The following ACADS variants were observed in gnomAD, a reference collection of about 807,000 sequenced individuals.
The protein encoded by ACADS is short-chain specific acyl-CoA dehydrogenase, mitochondrial.
Under a neutral mutation model 46.8 loss-of-function variants are expected in ACADS, and 28 were observed. The ratio of observed to expected loss-of-function variants is 0.60; its 90% CI spans 0.44 to 0.82. The LOEUF (loss-of-function observed/expected upper bound fraction) is 0.82. ACADS is among the 40% of genes least tolerant of loss of function. ACADS has a pLI of 0.00. For missense variants in ACADS, 528 were observed against 578.0 expected, an observed-to-expected ratio of 0.91 and a Z score of 0.89; for synonymous variants, 236 against 237.7, an observed-to-expected ratio of 0.99 and a Z score of 0.07.
rs73409973 is a variant in ACADS, at chr12:120,730,941, T to C, written c.210+3752T>C. ...TGACCGTGAGTCTTGGACAACTGCA[T>C]ATTTATTTTTGTTTTTGTTTTTTTG... On this transcript the variant is annotated intron_variant, in intron 2 of 9. Coordinates refer to ENST00000242592, the MANE Select transcript of ACADS (RefSeq NM_000017.4). 2.3e-3 allele frequency among the ~76,000 whole-genome samples: 348 copies of C among 152,192 alleles called. 1 individual carries two copies. Among genetic ancestry groups the C allele is most frequent in the African/African-American group, 7.5e-3 (311 of 41,530 alleles).
chr12:120,735,397 T>C (rs1883403073), intron 2 of ACADS, among the ~76,000 whole-genome samples: 1 of 127,362 alleles, frequency 7.9e-6, no homozygotes, highest in South Asian at 2.5e-4. Flanking sequence ...CACTTGATGA[T>C]AGATGCTGTT....
chr12:120,736,141 T>G (rs1210405641), intron 2 of ACADS, among the ~76,000 whole-genome samples: 1 of 148,866 alleles, frequency 6.7e-6, no homozygotes. Context: ...GTAATAATAC[T>G]ATTATTATTA....
intron 2 of ACADS, among the ~76,000 whole-genome samples, chr12:120,729,982 T>A (rs901296017): frequency 7.2e-5 from 11 of 152,286 alleles, no homozygotes; most frequent in South Asian, 6.2e-4. Context: ...CTTTATTTTT[T>A]AAATTATTTT....
At chr12:120,730,762 T>C (rs1242929209) in intron 2 of ACADS, among the ~76,000 whole-genome samples, 2 of 148,760 alleles carry the variant, frequency 1.3e-5, no homozygotes, top group African/African-American at 2.6e-5. Flanking sequence ...CAGGGTTTTA[T>C]ACCAACAAGT....
intron 1 of ACADS, 37 bp from the exon 2 acceptor site, chr12:120,726,989 G>T: frequency 6.2e-7 from 1 of 1,613,284 alleles, no homozygotes; most frequent in Non-Finnish European, 8.5e-7. Context: ...GAGACCTCCT[G>T]CCTCCTCCTT....
chr12:120,737,400 G>A lies in ACADS; in HGVS notation c.405G>A (p.Gln135=), dbSNP rs779929753. Residue 135 remains glutamine, a synonymous_variant, in exon 4 of 10, where the codon CAG becomes CAA. Transcript: ENST00000242592. The part of the protein sequence containing the change: ...GPILKFGSKE[Q]KQAWVTPFTS... ...TCTTGAAGTTTGGCTCCAAGGAGCA[G>A]AAGCAGGCGTGGGTCACGCCTTTCA... 6.2e-7 allele frequency: 1 copy of A among 1,614,198 alleles called. No individual in the cohort carries two copies. The highest frequency in any genetic ancestry group is 8.5e-7 in the Non-Finnish European group (1 of 1,180,032).
In ACADS at chr12:120,728,579, A is replaced by G. The variant is rs1883158216; in HGVS notation, c.210+1390A>G. Among the ~76,000 whole-genome samples, 1 of 151,394 alleles carries G rather than the reference A, an allele frequency of 6.6e-6. No individual in the cohort carries two copies. Among genetic ancestry groups the G allele is most frequent in the South Asian group, 2.1e-4 (1 of 4,798 alleles). On this transcript the variant is annotated intron_variant, in intron 2 of 9. Transcript: ENST00000242592. This position sits in a 1 kb window ranked among gnomAD's most constrained non-coding sequence, Gnocchi z 4.0. The stretch of plus-strand genomic sequence containing the variant: ...GAGTGCAGTGGCGCGATCTCGGCTC[A>G]CTGCAACCTCCGCCTTCTGAGTTCA...
chr12:120,737,777 C>T (rs1049178818), intron 4 of ACADS, 60 bp from the exon 5 acceptor site: 23 of 1,608,182 alleles, frequency 1.4e-5, no homozygotes, highest in Non-Finnish European at 1.9e-5. Flanking sequence ...GGGAGTGAGG[C>T]TGGTGCCCTT....
At chr12:120,738,197 G>T in intron 5 of ACADS, 83 bp from the exon 6 acceptor site, 1 of 1,604,952 alleles carries the variant, frequency 6.2e-7, no homozygotes, top group East Asian at 2.3e-5. Flanking sequence ...AGGTGGGGAG[G>T]GGACCGGGTT....
In ACADS at chr12:120,728,468, T is replaced by C. The variant is rs1883155685; in HGVS notation, c.210+1279T>C. ...TCAAACCTCTCCGGCCTCTTCTCCT[T>C]GCCTGTTTTTTTTTTTAATTTTAAT... On this transcript the variant is annotated intron_variant, in intron 2 of 9. Coordinates refer to ENST00000242592, the MANE Select transcript of ACADS (RefSeq NM_000017.4). This position sits in a 1 kb window ranked among gnomAD's most constrained non-coding sequence, Gnocchi z 4.0. Among the ~76,000 whole-genome samples the C allele has an allele frequency of 3.6e-5, 5 of 137,854 alleles. No individual in the cohort carries two copies. In the Admixed American group the frequency reaches 3.8e-4, roughly 10 times the overall value. 90.4% of individuals were successfully genotyped at this position (137,854 alleles called of 152,430 possible). A position where few individuals can be genotyped will look rare whatever the true frequency, so the allele number is the denominator to read the frequency against.
At position 120,738,910 on chromosome 12, in the gene ACADS, A is replaced by C; in HGVS notation, c.1024A>C (p.Ile342Leu). ...AMLKDNKKPF[I>L]KEAAMAKLAA... ...GCTGAAGGATAACAAGAAGCCTTTC[A>C]TCAAGGTGCCCACAGGGGTCCCCGA... Residue 342 changes from isoleucine to leucine, a missense_variant, in exon 8 of 10, where the codon ATC becomes CTC. Physicochemically the swap from Ile to Leu is conservative, Grantham distance 5. Transcript: ENST00000242592. 6.2e-7 allele frequency: 1 copy of C among 1,613,574 alleles called. No individual in the cohort carries two copies. The highest frequency in any genetic ancestry group is 8.5e-7 in the Non-Finnish European group (1 of 1,180,020).
In ACADS at chr12:120,733,459, G is replaced by A. The variant is rs576305444; in HGVS notation, c.211-3527G>A. On this transcript the variant is annotated intron_variant, in intron 2 of 9. Coordinates refer to ENST00000242592, the MANE Select transcript of ACADS (RefSeq NM_000017.4). ...GTTCAGAGGCCATGTGTGTGCTGCC[G>A]CAGGTCTGTGTCTCCAGGTCCTCTT... 1.2e-4 allele frequency among the ~76,000 whole-genome samples: 18 copies of A among 152,216 alleles called. No homozygotes were observed. The South Asian group carries it at 2.3e-3, about 19-fold the overall frequency.
At position 120,727,202 on chromosome 12, in the gene ACADS, C is replaced by T. The variant is rs1883114264; in HGVS notation, c.210+13C>T. ...CCCAGCGGCTCAGGTGAGAGTGCAA[C>T]CTCAGCAGCCCACGATAGTGGTCTG... On this transcript the variant is annotated intron_variant, in intron 2 of 9. Transcript: ENST00000242592. 1.2e-6 allele frequency: 2 copies of T among 1,614,074 alleles called. No individual in the cohort carries two copies. The highest frequency in any genetic ancestry group is 1.7e-6 in the Non-Finnish European group (2 of 1,179,982).
At chr12:120,733,228 G>A (rs1436020713) in intron 2 of ACADS, among the ~76,000 whole-genome samples, 1 of 151,788 alleles carries the variant, frequency 6.6e-6, no homozygotes, top group Non-Finnish European at 1.5e-5. Context: ...GAGGGAGAGG[G>A]AGACCGGGGG....
chr12:120,726,033 G>A, intron 1 of ACADS, 102 bp downstream of exon 1: 1 of 1,253,880 alleles, frequency 8.0e-7, no homozygotes, highest in Non-Finnish European at 1.1e-6. Flanking sequence ...GGCAGGCGGA[G>A]CCCCACTCCG....
At position 120,738,262 on chromosome 12, in the gene ACADS, AC is replaced by A. The variant is rs1883523456; in HGVS notation, c.625-15del. The A allele has an allele frequency of 6.2e-7, 1 of 1,608,950 alleles. No homozygotes were observed. Among genetic ancestry groups the A allele is most frequent in the East Asian group, 2.2e-5 (1 of 44,806 alleles). On this transcript the variant is annotated splice_polypyrimidine_tract_variant and intron_variant, in intron 5 of 9. Transcript: ENST00000242592. ...GCTGAGGGGCAGCTCTGAGAAAACCACCCGCCTCTCCTTTCAGGGCATCAGT... is the reference window on the plus strand; with the variant it reads ...GCTGAGGGGCAGCTCTGAGAAAACCACCGCCTCTCCTTTCAGGGCATCAGT...
chr12:120,738,277 C>T lies in ACADS; in HGVS notation c.625-3C>T, dbSNP rs1883524540. 6.2e-7 allele frequency: 1 copy of T among 1,614,170 alleles called. No homozygotes were observed. The highest frequency in any genetic ancestry group is 8.5e-7 in the Non-Finnish European group (1 of 1,180,026). ...TGAGAAAACCACCCGCCTCTCCTTTCAGGGCATCAGTGCCTTCCTGGTCCC... is the reference window on the plus strand; with the variant it reads ...TGAGAAAACCACCCGCCTCTCCTTTTAGGGCATCAGTGCCTTCCTGGTCCC... On this transcript the variant is annotated splice_region_variant and splice_polypyrimidine_tract_variant and intron_variant, in intron 5 of 9. Coordinates refer to ENST00000242592, the MANE Select transcript of ACADS (RefSeq NM_000017.4).
At chr12:120,738,106 C>G (rs779541598) in intron 5 of ACADS, 118 bp downstream of exon 5, 1 of 1,572,468 alleles carries the variant, frequency 6.4e-7, no homozygotes, top group Non-Finnish European at 8.6e-7. Context: ...GTGGGCTGTC[C>G]CTGTCCCTCC....
At position 120,731,711 on chromosome 12, in the gene ACADS, AATAGTGG is replaced by A. The variant is rs1883253943; in HGVS notation, c.210+4524_210+4530del. Among the ~76,000 whole-genome samples the A allele has an allele frequency of 7.9e-5, 12 of 151,950 alleles. No homozygotes were observed. The South Asian group carries it at 2.5e-3, about 32-fold the overall frequency. On this transcript the variant is annotated intron_variant, in intron 2 of 9. Transcript: ENST00000242592. ...GGGGGATTTGGCAGGGTCATAGGACAATAGTGGAGGGAAGGTCAGCAGATAAACAAGT... is the reference window on the plus strand; with the variant it reads ...GGGGGATTTGGCAGGGTCATAGGACAAGGGAAGGTCAGCAGATAAACAAGT...
Sources: allele counts gnomAD v4.1 joint callset (sites outside exome capture counted in the v4.1 genomes callset), GRCh38; gene constraint gnomAD v4.1.1; non-coding constraint Gnocchi (gnomAD v3.1); transcripts MANE v1.5; gene names NCBI Gene and HGNC (gene_info 2026-07-23, HGNC 2026-07-21).